The following GRIK4 variants were observed in gnomAD, a reference collection of about 807,000 sequenced individuals.
GRIK4 encodes the protein glutamate receptor ionotropic, kainate 4.
In GRIK4, 40 loss-of-function variants were observed where a neutral mutation model predicts 104.9. That is an observed-to-expected ratio of 0.38 (90% CI 0.30 to 0.50). The LOEUF is 0.50. GRIK4 is among the 20% of genes least tolerant of loss of function. GRIK4 has a pLI of 0.93. For synonymous variants in GRIK4, 485 were observed against 524.9 expected, an observed-to-expected ratio of 0.92 and a Z score of 1.04; for missense variants, 1,047 against 1,308.1, an observed-to-expected ratio of 0.80 and a Z score of 3.08.
rs565891870 is a variant in GRIK4 at position 120,541,108 on chromosome 11, G to A, written c.-159+29221G>A. On this transcript the variant is annotated intron_variant, in intron 1 of 20. Coordinates refer to ENST00000527524, the MANE Select transcript of GRIK4 (RefSeq NM_014619.5). ...GCCCCTGGACTGAGGCGCAGCTACC[G>A]GAATGTGCTGTGCTAGTTCACACAT... Among the ~76,000 whole-genome samples, 5 of 152,372 alleles carry A rather than the reference G, an allele frequency of 3.3e-5. No individual in the cohort carries two copies. The South Asian group carries it at 6.2e-4, about 19-fold the overall frequency.
intron 2 of GRIK4, among the ~76,000 whole-genome samples, chr11:120,658,539 T>G (rs900007893): frequency 6.6e-6 from 1 of 152,126 alleles, no homozygotes; most frequent in Non-Finnish European, 1.5e-5. Flanking sequence ...ACACTTAATG[T>G]TGTCTTTTTT....
chr11:120,520,303 A>T (rs1417223149), intron 1 of GRIK4, among the ~76,000 whole-genome samples: 1 of 152,208 alleles, frequency 6.6e-6, no homozygotes, highest in East Asian at 1.9e-4. Flanking sequence ...TCCAGCCATC[A>T]GCAGGCGCGG....
At chr11:120,874,280 C>T (rs916872326) in intron 10 of GRIK4, 62 bp downstream of exon 10, 4 of 1,378,292 alleles carry the variant, frequency 2.9e-6, no homozygotes, top group Non-Finnish European at 4.0e-6. Context: ...ACACTTGGTT[C>T]AAGGTACAAG....
At chr11:120,553,732 G>GC (rs942844671) in intron 1 of GRIK4, among the ~76,000 whole-genome samples, 6 of 152,188 alleles carry the variant, frequency 3.9e-5, no homozygotes, top group Non-Finnish European at 7.3e-5. Context: ...GGGTTAGGGA[G>GC]CAGGCTGGGG....
intron 14 of GRIK4, among the ~76,000 whole-genome samples, chr11:120,948,213 C>T (rs566381260): frequency 3.9e-5 from 6 of 152,262 alleles, no homozygotes; most frequent in African/African-American, 1.2e-4. Context: ...TGTGATTGAC[C>T]ATTGGGCACT....
intron 2 of GRIK4, among the ~76,000 whole-genome samples, chr11:120,659,875 G>A (rs796485229): frequency 2.0e-5 from 3 of 152,318 alleles, no homozygotes; most frequent in African/African-American, 4.8e-5. Flanking sequence ...GGAATTACAG[G>A]CATGCGCCAC....
chr11:120,979,572 G>GAAGT (rs1389073239), intron 19 of GRIK4, among the ~76,000 whole-genome samples: 1 of 152,194 alleles, frequency 6.6e-6, no homozygotes, highest in Non-Finnish European at 1.5e-5. Flanking sequence ...GAAGGAGAGA[G>GAAGT]AAGTGTTGGA....
intron 3 of GRIK4, among the ~76,000 whole-genome samples, chr11:120,797,187 C>G: frequency 6.6e-6 from 1 of 152,300 alleles, no homozygotes; most frequent in South Asian, 2.1e-4. Context: ...GGTCTCTGAA[C>G]GCATCTCCCC....
intron 3 of GRIK4, among the ~76,000 whole-genome samples, chr11:120,699,789 T>C (rs1034179664): frequency 6.6e-6 from 1 of 152,112 alleles, no homozygotes; most frequent in African/African-American, 2.4e-5. Flanking sequence ...GGGAACAGCA[T>C]GTGCAAACGT....
chr11:120,853,419 C>T (rs1051881382), intron 8 of GRIK4, among the ~76,000 whole-genome samples: 3 of 152,080 alleles, frequency 2.0e-5, no homozygotes, highest in Non-Finnish European at 4.4e-5. Context: ...CCAATGAGTC[C>T]GTAGTCTAGG....
chr11:120,957,592 TG>T (rs370473036), intron 16 of GRIK4, among the ~76,000 whole-genome samples: 2 of 27,136 alleles, frequency 7.4e-5, no homozygotes, highest in African/African-American at 1.4e-4. Flanking sequence ...ACAAAACAAA[TG>T]TGTGTGTGTG....
intron 1 of GRIK4, among the ~76,000 whole-genome samples, chr11:120,534,778 C>T (rs913534335): frequency 2.0e-5 from 3 of 152,126 alleles, no homozygotes; most frequent in African/African-American, 7.2e-5. Context: ...GGCAGATGGC[C>T]TCTGCAGCCC....
At chr11:120,557,240 C>G (rs1049796202) in intron 1 of GRIK4, among the ~76,000 whole-genome samples, 1 of 152,188 alleles carries the variant, frequency 6.6e-6, no homozygotes, top group Non-Finnish European at 1.5e-5. Context: ...CTGTCCCCCC[C>G]GAGGACTCTC....
intron 18 of GRIK4, among the ~76,000 whole-genome samples, chr11:120,963,623 G>C (rs1352530772): frequency 6.6e-6 from 1 of 152,150 alleles, no homozygotes; most frequent in Non-Finnish European, 1.5e-5. Flanking sequence ...TTGGTATACG[G>C]TATGCTCATC....
chr11:120,733,892 C>T (rs371386460), intron 3 of GRIK4, among the ~76,000 whole-genome samples: 43 of 152,132 alleles, frequency 2.8e-4, no homozygotes, highest in East Asian at 2.5e-3. Flanking sequence ...CACCCGCCAC[C>T]GCACCTGGCT....
At chr11:120,754,283 A>G (rs748478376) in intron 3 of GRIK4, among the ~76,000 whole-genome samples, 2 of 152,184 alleles carry the variant, frequency 1.3e-5, no homozygotes, top group African/African-American at 2.4e-5. Context: ...AAGTGCTGGG[A>G]TTATAGGCGT....
Position 120,956,545 on chromosome 11 carries a change from T to C in GRIK4, c.1701-235T>C, listed in dbSNP as rs181503114. On this transcript the variant is annotated intron_variant, in intron 15 of 20. Transcript: ENST00000527524. The surrounding 1 kb of genome is among the most constrained non-coding windows in gnomAD (Gnocchi z 4.6). ...TTTTGGAGTTCCACATCAGAATTTA[T>C]TGGGGGTAAAAATGTCTCTTTGATT... Among the ~76,000 whole-genome samples the C allele has an allele frequency of 1.4e-4, 22 of 152,296 alleles. No individual in the cohort carries two copies. In the East Asian group the frequency reaches 4.1e-3, roughly 28 times the overall value.
intron 13 of GRIK4, among the ~76,000 whole-genome samples, chr11:120,926,426 AAGTGCTTTT>A (rs1565443320): frequency 6.6e-6 from 1 of 152,186 alleles, no homozygotes; most frequent in South Asian, 2.1e-4. Flanking sequence ...GCACTGTTCT[AAGTGCTTTT>A]TGTGTATTCA....
intron 1 of GRIK4, among the ~76,000 whole-genome samples, chr11:120,647,538 A>G (rs915944511): frequency 5.9e-5 from 9 of 152,216 alleles, no homozygotes; most frequent in African/African-American, 9.6e-5. Flanking sequence ...CTCAGGAACA[A>G]TGGGCTCCTG....
Sources: allele counts gnomAD v4.1 joint callset (sites outside exome capture counted in the v4.1 genomes callset), GRCh38; gene constraint gnomAD v4.1.1; non-coding constraint Gnocchi (gnomAD v3.1); transcripts MANE v1.5; gene names NCBI Gene and HGNC (gene_info 2026-07-23, HGNC 2026-07-21).